The following FHDC1 variants were observed in gnomAD, a reference collection of about 807,000 sequenced individuals.
FHDC1 encodes the protein FH2 domain containing 1, also known as FH2 domain-containing protein 1.
A neutral mutation model predicts 52.6 loss-of-function variants in FHDC1; 25 were observed. The ratio of observed to expected loss-of-function variants is 0.48; its 90% CI spans 0.35 to 0.66. The LOEUF is 0.66. Among genes scored for constraint, FHDC1 ranks in the 30% least tolerant of loss-of-function variants. The pLI is 0.01. For missense variants in FHDC1, 1,459 were observed against 1,452.8 expected (o/e 1.00, Z -0.07); for synonymous variants, 616 against 581.5 (o/e 1.06, Z -0.85).
chr4:152,939,146 C>T (rs1181674431), intron 1 of FHDC1, among the ~76,000 whole-genome samples: 1 of 152,256 alleles, frequency 6.6e-6, no homozygotes, highest in East Asian at 1.9e-4. Context: ...GTGGCGTAAT[C>T]TCGGCTCACT....
intron 2 of FHDC1, among the ~76,000 whole-genome samples, chr4:152,949,769 G>C (rs902502584): frequency 6.6e-6 from 1 of 152,230 alleles, no homozygotes; most frequent in African/African-American, 2.4e-5. Context: ...CGGGGAAACT[G>C]TGAGTAGAGC....
intron 2 of FHDC1, among the ~76,000 whole-genome samples, chr4:152,949,170 AAGC>A (rs70949624): frequency 2.1e-5 from 3 of 142,574 alleles, no homozygotes; most frequent in South Asian, 2.2e-4. Flanking sequence ...GAAGAAGAAG[AAGC>A]AGAAGAAGAA....
chr4:152,953,566 AT>A lies in FHDC1; in HGVS notation c.560+10del. The A allele has an allele frequency of 6.2e-7, 1 of 1,610,014 alleles. No individual in the cohort carries two copies. Among genetic ancestry groups the A allele is most frequent in the South Asian group, 1.1e-5 (1 of 91,006 alleles). On this transcript the variant is annotated splice_region_variant and intron_variant, in intron 3 of 11. Transcript: ENST00000511601. ...TTTCTTAAGCAATTTAAGAAGTAAG[AT>A]TTTGCACACATTTGAAACTTTAGTC...
At chr4:152,938,014 C>T (rs1669193265) in intron 1 of FHDC1, among the ~76,000 whole-genome samples, 1 of 152,142 alleles carries the variant, frequency 6.6e-6, no homozygotes, top group South Asian at 2.1e-4. Context: ...CCCAGGACCC[C>T]CCAGGCCGAA....
the FHDC1 span, among the ~76,000 whole-genome samples, chr4:152,930,102 C>T: frequency 8.5e-5 from 13 of 152,300 alleles, 1 homozygote; most frequent in South Asian, 2.7e-3. Flanking sequence ...CCATCAATCA[C>T]CCCACAGGAA....
chr4:152,919,319 G>C, the FHDC1 span, among the ~76,000 whole-genome samples: 1 of 152,216 alleles, frequency 6.6e-6, no homozygotes, highest in Non-Finnish European at 1.5e-5. Flanking sequence ...AGGAGTGAAT[G>C]GTCAGGAGAA....
At chr4:152,935,083 T>C (rs1739324887), upstream of FHDC1, among the ~76,000 whole-genome samples, 1 of 152,262 alleles carries the variant, frequency 6.6e-6, no homozygotes, top group African/African-American at 2.4e-5. Context: ...TTTTCTTAAT[T>C]GGATCCATTT....
intron 10 of FHDC1, among the ~76,000 whole-genome samples, chr4:152,969,665 GTT>G (rs535683350): frequency 3.1e-5 from 4 of 129,554 alleles, no homozygotes; most frequent in Admixed American, 7.8e-5. Context: ...TCTGGCAGTC[GTT>G]TTTTTTTTTT....
chr4:152,916,062 G>C, the FHDC1 span, among the ~76,000 whole-genome samples: 1 of 151,936 alleles, frequency 6.6e-6, no homozygotes, highest in African/African-American at 2.4e-5. Context: ...TTACCAAGAA[G>C]AATCAATTGG....
intron 11 of FHDC1, among the ~76,000 whole-genome samples, chr4:152,972,892 C>T (rs980297274): frequency 1.3e-5 from 2 of 152,224 alleles, no homozygotes; most frequent in African/African-American, 2.4e-5. Flanking sequence ...GAATGTCTTT[C>T]TCTCCCGCTC....
chr4:152,928,609 T>C, the FHDC1 span, among the ~76,000 whole-genome samples: 5 of 152,198 alleles, frequency 3.3e-5, no homozygotes, highest in African/African-American at 1.2e-4. Flanking sequence ...TGGACAGGTG[T>C]TATTTAAACA....
chr4:152,957,480 G>A (rs1024092624), intron 4 of FHDC1, among the ~76,000 whole-genome samples: 2 of 152,194 alleles, frequency 1.3e-5, no homozygotes, highest in African/African-American at 4.8e-5. Flanking sequence ...ACAGCAGCGG[G>A]GTGGACTTGA....
At chr4:152,923,414 A>G in the FHDC1 span, among the ~76,000 whole-genome samples, 42 of 152,282 alleles carry the variant, frequency 2.8e-4, no homozygotes, top group African/African-American at 1.0e-3. Context: ...AATCAATATC[A>G]TGAAAATGGC....
At chr4:152,966,843 G>A (rs147941964) in intron 9 of FHDC1, among the ~76,000 whole-genome samples, 1 of 152,196 alleles carries the variant, frequency 6.6e-6, no homozygotes, top group African/African-American at 2.4e-5. Context: ...ATTAGGGCTG[G>A]CTGTGGTGGC....
At position 152,945,952 on chromosome 4, in the gene FHDC1, C is replaced by T. The variant is rs189990680; in HGVS notation, c.498+2397C>T. Among the ~76,000 whole-genome samples, 4 of 152,316 alleles carry T rather than the reference C, an allele frequency of 2.6e-5. No individual in the cohort carries two copies. In the East Asian group the frequency reaches 7.7e-4, roughly 29 times the overall value. ...CTTTCTGTTTCTATAAGTTGGACTC[C>T]TTTAGGTACCTCCTGTAGATGGAAT... On this transcript the variant is annotated intron_variant, in intron 2 of 11. Transcript: ENST00000511601.
intron 2 of FHDC1, among the ~76,000 whole-genome samples, chr4:152,945,775 T>C (rs1021583684): frequency 2.0e-5 from 3 of 152,114 alleles, no homozygotes; most frequent in African/African-American, 7.2e-5. Context: ...TTTAAACAGC[T>C]TGTTGACATT....
rs765920984 is a variant in FHDC1 at position 152,975,103 on chromosome 4, C to A, written c.1812C>A (p.Ala604=). Residue 604 remains alanine (A), a synonymous_variant, in exon 12 of 12, where the codon GCC becomes GCA. Transcript: ENST00000511601. ...QDSSFAHKPQ[A]SGGQEEAPNP... is the part of the protein sequence containing the mutation. ...CCAGCTTTGCACACAAACCTCAGGC[C>A]TCGGGGGGCCAGGAGGAGGCCCCCA... The A allele has an allele frequency of 6.2e-7, 1 of 1,612,574 alleles. No homozygotes were observed. The highest frequency in any genetic ancestry group is 1.1e-5 in the South Asian group (1 of 91,078).
chr4:152,929,076 C>T, the FHDC1 span, among the ~76,000 whole-genome samples: 4 of 152,074 alleles, frequency 2.6e-5, no homozygotes, highest in African/African-American at 9.6e-5. This position sits in a 1 kb window ranked among gnomAD's most constrained non-coding sequence, Gnocchi z 4.1. Context: ...CAGGGCACAG[C>T]TTGGTTTTAT....
At chr4:152,913,238 G>C in the FHDC1 span, among the ~76,000 whole-genome samples, 88,796 of 146,830 alleles carry the variant, frequency 0.6, 26,167 homozygotes, top group Admixed American at 0.7. Flanking sequence ...CCATCTCCCC[G>C]CAAATGGCTT....
Sources: gnomAD v4.1 joint callset for allele counts (sites outside exome capture counted in the v4.1 genomes callset) on GRCh38, gnomAD v4.1.1 for gene constraint, Gnocchi (gnomAD v3.1) non-coding constraint, MANE v1.5 for transcripts, NCBI Gene and HGNC (gene_info 2026-07-23, HGNC 2026-07-21) for gene names.